Variants in IQANK1 observed in about 807,000 individuals in gnomAD.
IQANK1 encodes the protein IQ motif and ankyrin repeat containing 1.
IQANK1 carries 30 observed loss-of-function variants against 22.6 expected under a neutral mutation model. The ratio of observed to expected loss-of-function variants is 1.33; its 90% CI spans 0.99 to 1.80. The LOEUF (loss-of-function observed/expected upper bound fraction) is 1.80. Among genes scored for constraint, IQANK1 ranks in the 40% most tolerant of loss-of-function variants. The probability of loss-of-function intolerance (pLI) is 0.00; values close to 1 mark genes in which losing one functional copy is unlikely to be tolerated. For synonymous variants in IQANK1, 122 were observed against 99.6 expected (o/e 1.23, Z -1.34); for missense variants, 275 against 235.2 (o/e 1.17, Z -1.11).
chr8:143,739,982 G>T, intron 3 of IQANK1, 34 bp downstream of exon 3: 1 of 676,148 alleles, frequency 1.5e-6, no homozygotes, highest in South Asian at 1.6e-5. Flanking sequence ...CGCTGTGGGT[G>T]ACCGGGTGAG....
At chr8:143,766,188 T>A (rs1284718798) in intron 3 of IQANK1, among the ~76,000 whole-genome samples, 1 of 152,242 alleles carries the variant, frequency 6.6e-6, no homozygotes, top group African/African-American at 2.4e-5. Context: ...ATTGGCCACC[T>A]GGGTAGGCTC....
At chr8:143,777,942 C>T (rs1819721691) in intron 7 of IQANK1, among the ~76,000 whole-genome samples, 1 of 152,136 alleles carries the variant, frequency 6.6e-6, no homozygotes, top group Non-Finnish European at 1.5e-5. Flanking sequence ...CGCCTGTAAT[C>T]CCAGCACTTT....
intron 3 of IQANK1, among the ~76,000 whole-genome samples, chr8:143,767,652 G>A (rs1265570895): frequency 6.6e-6 from 1 of 151,836 alleles, no homozygotes; most frequent in Non-Finnish European, 1.5e-5. Flanking sequence ...GCATTTATTT[G>A]CTGTTTCTGC....
At chr8:143,760,254 G>A (rs1554628775) in intron 3 of IQANK1, 1 of 152,258 alleles carries the variant, frequency 6.6e-6, no homozygotes, top group East Asian at 1.9e-4. Flanking sequence ...TGAGGACAAG[G>A]ACAGGAACAC....
intron 2 of IQANK1, among the ~76,000 whole-genome samples, chr8:143,736,973 T>TA: frequency 1.3e-5 from 2 of 152,158 alleles, no homozygotes; most frequent in Middle Eastern, 3.4e-3. Flanking sequence ...CCCCTCTGCT[T>TA]AGAGTGGGCC....
At chr8:143,737,330 T>A (rs1554625803) in intron 2 of IQANK1, among the ~76,000 whole-genome samples, 1 of 152,176 alleles carries the variant, frequency 6.6e-6, no homozygotes, top group Non-Finnish European at 1.5e-5. Context: ...CCGCAGCCCA[T>A]ACACTGCCCT....
intron 3 of IQANK1, among the ~76,000 whole-genome samples, chr8:143,764,206 G>GA (rs570584351): frequency 2.0e-5 from 3 of 151,548 alleles, no homozygotes; most frequent in Admixed American, 6.6e-5. Context: ...CTTGGTAGCA[G>GA]AAAAAAAACG....
rs1340715049 is a variant in IQANK1, at chr8:143,772,342, G to C, written c.664-15G>C. 2 of 398,834 alleles carry C rather than the reference G, an allele frequency of 5.0e-6. No homozygotes were observed. Among genetic ancestry groups the C allele is most frequent in the Non-Finnish European group, 8.8e-6 (2 of 226,066 alleles). The allele number at this position is 398,834 out of a possible 1,614,324, so 24.7% of individuals were successfully genotyped here. A position where few individuals can be genotyped will look rare whatever the true frequency, so the allele number is the denominator to read the frequency against. ...GGGCAAGGCCTGGATCTTGCTCGGG[G>C]GGCCCGTCTTGCAGGGCGCTTTCGG... On this transcript the variant is annotated splice_polypyrimidine_tract_variant and intron_variant, in intron 6 of 13. Transcript: ENST00000527139.
At chr8:143,775,703 A>T (rs1239160862) in intron 7 of IQANK1, among the ~76,000 whole-genome samples, 1 of 151,242 alleles carries the variant, frequency 6.6e-6, no homozygotes, top group African/African-American at 2.4e-5. Context: ...CAGAAGTTGC[A>T]GTGAGCTGAG....
At chr8:143,753,208 T>TTTGCTATGTTGCCCAGGC (rs1399373645) in intron 3 of IQANK1, among the ~76,000 whole-genome samples, 1 of 151,846 alleles carries the variant, frequency 6.6e-6, no homozygotes, top group Non-Finnish European at 1.5e-5. Context: ...GAGACAGGGT[T>TTTGCTATGTTGCCCAGGC]TTGCTATGTT....
chr8:143,743,184 C>T (rs1343998510), intron 3 of IQANK1: 4 of 375,342 alleles, frequency 1.1e-5, no homozygotes, highest in Non-Finnish European at 2.1e-5. Flanking sequence ...CTCTCCACTT[C>T]TGCCTCCCTC....
At chr8:143,773,729 CTCT>C (rs1352415801) in intron 7 of IQANK1, among the ~76,000 whole-genome samples, 5 of 152,220 alleles carry the variant, frequency 3.3e-5, no homozygotes, top group Non-Finnish European at 7.3e-5. Flanking sequence ...TCCTGCCCCT[CTCT>C]TCTTTCTCCT....
intron 3 of IQANK1, among the ~76,000 whole-genome samples, chr8:143,747,952 CCTTTCCTTT>C (rs781787354): frequency 1.8e-4 from 24 of 131,258 alleles, no homozygotes; most frequent in Admixed American, 3.2e-4. Context: ...CCTTTCCTTT[CCTTTCCTTT>C]CCTTTCCTTT....
At chr8:143,742,797 C>T (rs1554626757) in intron 3 of IQANK1, 2 of 456,118 alleles carry the variant, frequency 4.4e-6, no homozygotes, top group Non-Finnish European at 8.8e-6. Context: ...GCTACTTTCA[C>T]CTTAGCCAGC....
At chr8:143,751,041 A>T (rs1819178348) in intron 3 of IQANK1, among the ~76,000 whole-genome samples, 1 of 151,556 alleles carries the variant, frequency 6.6e-6, no homozygotes, top group African/African-American at 2.4e-5. Flanking sequence ...CTTTGTGGTT[A>T]CTATGGGGTT....
chr8:143,761,012 G>A (rs1554628849), intron 3 of IQANK1, among the ~76,000 whole-genome samples: 1 of 152,162 alleles, frequency 6.6e-6, no homozygotes, highest in East Asian at 1.9e-4. Flanking sequence ...CCTGGTGCGA[G>A]CCGAAGACGG....
intron 7 of IQANK1, among the ~76,000 whole-genome samples, chr8:143,788,709 C>T (rs568270049): frequency 9.2e-5 from 14 of 152,270 alleles, no homozygotes; most frequent in South Asian, 6.2e-4. Flanking sequence ...CAGGAGAATT[C>T]CCAGCGGCCT....
At position 143,789,784 on chromosome 8, in the gene IQANK1, G is replaced by A. The variant is rs1481770958; in HGVS notation, c.1110G>A (p.Gln370=). The A allele has an allele frequency of 8.1e-6, 10 of 1,232,046 alleles. No individual in the cohort carries two copies. The highest frequency in any genetic ancestry group is 1.0e-5 in the Non-Finnish European group (10 of 988,124). 76.3% of individuals were successfully genotyped at this position (1,232,046 alleles called of 1,614,324 possible). A position where few individuals can be genotyped will look rare whatever the true frequency, so the allele number is the denominator to read the frequency against. The change falls in exon 11 of 14, where the codon CAG becomes CAA. Residue 370 remains glutamine (Q), a synonymous_variant. Transcript: ENST00000527139. ...AGGCCATCAAGGACACAGAGGCCCA[G>A]GTGGACAGGCTGCGGCAGGAGGCCC... The part of the protein sequence containing the change: ...TLQAIKDTEA[Q]VDRLRQEAQK...
chr8:143,754,632 TA>T (rs1221569093), intron 3 of IQANK1, among the ~76,000 whole-genome samples: 1 of 152,030 alleles, frequency 6.6e-6, no homozygotes, highest in Non-Finnish European at 1.5e-5. Flanking sequence ...TTTTTATTAT[TA>T]TTTTTTTTTT....
Sources: gnomAD v4.1 joint callset for allele counts (sites outside exome capture counted in the v4.1 genomes callset) on GRCh38, gnomAD v4.1.1 for gene constraint, MANE v1.5 for transcripts, NCBI Gene and HGNC (gene_info 2026-07-23, HGNC 2026-07-21) for gene names.